DLGAP3: variants seen among roughly 807,000 people sequenced by gnomAD.
DLGAP3 encodes DLG associated protein 3.
Under a neutral mutation model 81.2 loss-of-function variants are expected in DLGAP3, and 17 were observed. The ratio of observed to expected loss-of-function variants is 0.21; its 90% CI spans 0.14 to 0.31. The LOEUF is 0.31. DLGAP3 is among the 10% of genes least tolerant of loss of function. The probability of loss-of-function intolerance (pLI) is 1.00; values close to 1 mark genes in which losing one functional copy is unlikely to be tolerated. For synonymous variants in DLGAP3, 577 were observed against 587.4 expected (o/e 0.98, Z 0.26); for missense variants, 1,124 against 1,388.0 (o/e 0.81, Z 3.02).
intron 8 of DLGAP3, among the ~76,000 whole-genome samples, chr1:34,879,861 G>A (rs375133419): frequency 1.3e-5 from 2 of 151,918 alleles, no homozygotes; most frequent in Non-Finnish European, 2.9e-5. Flanking sequence ...AACAGCACAT[G>A]TTAAAAAATA....
At position 34,868,085 on chromosome 1, in the gene DLGAP3, TCA is replaced by T. The variant is rs1638914230; in HGVS notation, c.2486-460_2486-459del. Among the ~76,000 whole-genome samples the T allele has an allele frequency of 6.6e-6, 1 of 152,128 alleles. No individual in the cohort carries two copies. Among genetic ancestry groups the T allele is most frequent in the African/African-American group, 2.4e-5 (1 of 41,418 alleles). ...TCTTCATAGCCACTGTCCCCTCAAC[TCA>T]GAGATTCTGGGGTAAGACTGTGTCT... On this transcript the variant is annotated intron_variant, in intron 9 of 11. Transcript: ENST00000373347. The surrounding 1 kb of genome is among the most constrained non-coding windows in gnomAD (Gnocchi z 7.5).
At position 34,868,682 on chromosome 1, in the gene DLGAP3, C is replaced by G. The variant is rs200249341; in HGVS notation, c.2408G>C (p.Arg803Pro). ...GTGCTCCAGCTTCTCCACCTCTGCC[C>G]GCAGCATCTTGATGAACCACTCGCC... ...RDGEWFIKMLRAEVEKLEHWC... is the reference protein window; with the variant it reads ...RDGEWFIKMLPAEVEKLEHWC... Residue 803 changes from arginine (R) to proline (P), a missense_variant, in exon 9 of 12, where the codon CGG becomes CCG. Coordinates refer to ENST00000373347, the MANE Select transcript of DLGAP3 (RefSeq NM_001080418.3). This position sits in a 1 kb window ranked among gnomAD's most constrained non-coding sequence, Gnocchi z 7.5. 6.2e-7 allele frequency: 1 copy of G among 1,612,488 alleles called. No homozygotes were observed. Among genetic ancestry groups the G allele is most frequent in the South Asian group, 1.1e-5 (1 of 91,090 alleles).
At chr1:34,905,592 T>C (rs1639538918) in intron 2 of DLGAP3, among the ~76,000 whole-genome samples, 158 bp from the exon 3 acceptor site, 1 of 152,172 alleles carries the variant, frequency 6.6e-6, no homozygotes, top group Non-Finnish European at 1.5e-5. Flanking sequence ...GTCCTTTAAA[T>C]GGTCATAATA....
intron 8 of DLGAP3, among the ~76,000 whole-genome samples, chr1:34,879,026 C>T (rs902831928): frequency 6.7e-6 from 1 of 149,652 alleles, no homozygotes; most frequent in East Asian, 2.0e-4. Flanking sequence ...GAGCCGAGAT[C>T]GCGCCACTGC....
intron 1 of DLGAP3, among the ~76,000 whole-genome samples, chr1:34,909,763 G>T (rs746542496): frequency 6.6e-6 from 1 of 151,990 alleles, no homozygotes; most frequent in Non-Finnish European, 1.5e-5. Context: ...TCAATGGGAG[G>T]GAAAAACAAG....
intron 3 of DLGAP3, among the ~76,000 whole-genome samples, chr1:34,901,689 G>A (rs4652867): frequency 3.3e-5 from 5 of 152,042 alleles, no homozygotes; most frequent in African/African-American, 7.2e-5. Context: ...TGAAGATAGC[G>A]CTCAAGAGAT....
rs1639900504 is a variant in DLGAP3 at position 34,928,096 on chromosome 1, A to C, written c.-135+1355T>G. Among the ~76,000 whole-genome samples the C allele has an allele frequency of 2.0e-5, 3 of 152,216 alleles. 1 individual carries two copies. In the South Asian group the frequency reaches 6.2e-4, roughly 32 times the overall value. On this transcript the variant is annotated intron_variant, in intron 1 of 11. Transcript: ENST00000373347. Reference sequence around the variant, plus strand: ...TCCCAAGGCTGTTGGGGAAATAAGAAGAGTTCAGAGGGCAGCATTTTCAAA... The same window carrying C: ...TCCCAAGGCTGTTGGGGAAATAAGACGAGTTCAGAGGGCAGCATTTTCAAA...
chr1:34,868,845 G>A lies in DLGAP3; in HGVS notation c.2245C>T (p.Pro749Ser), dbSNP rs1245726919. Residue 749 changes from proline (P) to serine (S), a missense_variant, in exon 9 of 12, where the codon CCG becomes TCG. Transcript: ENST00000373347. The surrounding 1 kb of genome is among the most constrained non-coding windows in gnomAD (Gnocchi z 7.5). ...YREGYPLPYE[P>S]PATDGSPGPA... ...CCGGGCGACCCATCGGTGGCCGGCGGCTCGTACGGCAGTGGGTAGCCCTCG... is the reference window on the plus strand; with the variant it reads ...CCGGGCGACCCATCGGTGGCCGGCGACTCGTACGGCAGTGGGTAGCCCTCG... 4 of 1,583,558 alleles carry A rather than the reference G, an allele frequency of 2.5e-6. No individual in the cohort carries two copies. Among genetic ancestry groups the A allele is most frequent in the Non-Finnish European group, 3.4e-6 (4 of 1,170,116 alleles).
intron 8 of DLGAP3, among the ~76,000 whole-genome samples, chr1:34,882,386 GAGAA>G (rs1408395746): frequency 6.6e-6 from 1 of 152,156 alleles, no homozygotes; most frequent in Admixed American, 6.5e-5. Context: ...GCTGAAGCAG[GAGAA>G]TGGCGTGAAC....
In DLGAP3 at chr1:34,867,126, G is replaced by C. The variant is rs1165322992; in HGVS notation, c.2643C>G (p.Leu881=). The C allele has an allele frequency of 6.2e-7, 1 of 1,614,092 alleles. No homozygotes were observed. Among genetic ancestry groups the C allele is most frequent in the African/African-American group, 1.3e-5 (1 of 74,926 alleles). Residue 881 remains leucine (L), a synonymous_variant, in exon 11 of 12, where the codon CTC becomes CTG. Coordinates refer to ENST00000373347, the MANE Select transcript of DLGAP3 (RefSeq NM_001080418.3). This position sits in a 1 kb window ranked among gnomAD's most constrained non-coding sequence, Gnocchi z 4.3. The part of the protein sequence containing the change: ...DLAGFWDLLQ[L]SIEDVTLKFL... ...ACTTGAGGGTCACATCCTCGATGGA[G>C]AGCTGTAGGAGGTCCCAGAAACCCG...
At chr1:34,919,576 C>T (rs921981740) in intron 1 of DLGAP3, among the ~76,000 whole-genome samples, 6 of 152,062 alleles carry the variant, frequency 3.9e-5, no homozygotes, top group Non-Finnish European at 8.8e-5. Flanking sequence ...GTCAGGAGTT[C>T]GAGACCAGCC....
rs1569584408 is a variant in DLGAP3, at chr1:34,865,815, T to G, written c.*268A>C. 2 of 548,602 alleles carry G rather than the reference T, an allele frequency of 3.6e-6. No individual in the cohort carries two copies. The highest frequency in any genetic ancestry group is 3.1e-5 in the Admixed American group (1 of 32,676). The allele number at this position is 548,602 out of a possible 1,614,324, so 34.0% of individuals were successfully genotyped here. A position where few individuals can be genotyped will look rare whatever the true frequency, so the allele number is the denominator to read the frequency against. Reference sequence around the variant, plus strand: ...AGAGATGGTGCCCATGGGGAGGAGGTGGGGACAAAGCGTCGGACCAGGTGG... The same window carrying G: ...AGAGATGGTGCCCATGGGGAGGAGGGGGGGACAAAGCGTCGGACCAGGTGG... On this transcript the variant is annotated 3_prime_UTR_variant, in exon 12 of 12. Transcript: ENST00000373347.
intron 5 of DLGAP3, among the ~76,000 whole-genome samples, chr1:34,897,525 C>T (rs1639397197): frequency 6.6e-6 from 1 of 152,062 alleles, no homozygotes. Context: ...GGGGAACAGC[C>T]TTAGGAGAGG....
chr1:34,905,919 T>C (rs1639543516), intron 2 of DLGAP3, among the ~76,000 whole-genome samples: 1 of 150,086 alleles, frequency 6.7e-6, no homozygotes, highest in African/African-American at 2.4e-5. Context: ...GAAGGGAGGA[T>C]CACTTGAGCA....
rs949966445 is a variant in DLGAP3, at chr1:34,886,943, C to CTTTT, written c.1387-662_1387-659dup. On this transcript the variant is annotated intron_variant, in intron 5 of 11. Transcript: ENST00000373347. ...AGTGTCCCAAGCCTTCCCCCACCTT[C>CTTTT]TTTTTTTTTTTTTTTTTTTTTTTTT... Among the ~76,000 whole-genome samples, 158 of 64,316 alleles carry CTTTT rather than the reference C, an allele frequency of 2.5e-3. 12 individuals are homozygous for CTTTT. Among genetic ancestry groups the CTTTT allele is most frequent in the Middle Eastern group, 0.022 (2 of 92 alleles). The allele number at this position is 64,316 out of a possible 152,430, so 42.2% of individuals were successfully genotyped here.
Position 34,867,895 on chromosome 1 carries a change from G to T in DLGAP3, c.2486-268C>A, listed in dbSNP as rs185724873. On this transcript the variant is annotated intron_variant, in intron 9 of 11. Coordinates refer to ENST00000373347, the MANE Select transcript of DLGAP3 (RefSeq NM_001080418.3). The surrounding 1 kb of genome is among the most constrained non-coding windows in gnomAD (Gnocchi z 4.3). Reference sequence around the variant, plus strand: ...TCCTTCTTTATCCTTTCTCCCTCCCGTATCAGAGAACAGACGGAAACCAGC... The same window carrying T: ...TCCTTCTTTATCCTTTCTCCCTCCCTTATCAGAGAACAGACGGAAACCAGC... Among the ~76,000 whole-genome samples the T allele has an allele frequency of 6.6e-6, 1 of 151,792 alleles. No homozygotes were observed. Among genetic ancestry groups the T allele is most frequent in the African/African-American group, 2.4e-5 (1 of 41,262 alleles).
rs1639535070 is a variant in DLGAP3, at chr1:34,905,409, C to A, written c.-26G>T. 6.5e-7 allele frequency: 1 copy of A among 1,538,832 alleles called. No individual in the cohort carries two copies. Among genetic ancestry groups the A allele is most frequent in the Non-Finnish European group, 8.8e-7 (1 of 1,141,060 alleles). On this transcript the variant is annotated 5_prime_UTR_variant, in exon 3 of 12. Coordinates refer to ENST00000373347, the MANE Select transcript of DLGAP3 (RefSeq NM_001080418.3). ...GGCCTCAGCAAAGGCTCTTCATAGT[C>A]TTGGGGGCCAGGCCCCAGGAACCTC...
intron 1 of DLGAP3, among the ~76,000 whole-genome samples, chr1:34,919,393 A>T (rs1335486835): frequency 2.6e-5 from 4 of 152,150 alleles, no homozygotes; most frequent in Non-Finnish European, 5.9e-5. Flanking sequence ...TTAGTCTCTT[A>T]ATGCTAGCAG....
chr1:34,896,650 T>C (rs528497459), intron 5 of DLGAP3, among the ~76,000 whole-genome samples: 92 of 151,692 alleles, frequency 6.1e-4, no homozygotes, highest in African/African-American at 2.2e-3. Flanking sequence ...CTGTATTGTT[T>C]AGGAGGAGCA....
Sources: allele counts gnomAD v4.1 joint callset (sites outside exome capture counted in the v4.1 genomes callset), GRCh38; gene constraint gnomAD v4.1.1; non-coding constraint Gnocchi (gnomAD v3.1); transcripts MANE v1.5; gene names NCBI Gene and HGNC (gene_info 2026-07-23, HGNC 2026-07-21).